Variants in CENPP observed in about 807,000 individuals in gnomAD.
The protein encoded by CENPP is centromere protein P.
Under a neutral mutation model 35.6 loss-of-function variants are expected in CENPP, and 24 were observed. The ratio of observed to expected loss-of-function variants is 0.67; its 90% CI spans 0.49 to 0.95. The LOEUF is 0.95. Ranked by LOEUF, CENPP falls within the 40% of genes least tolerant of loss-of-function variation. The pLI is 0.00. For missense variants in CENPP, 332 were observed against 345.3 expected, an observed-to-expected ratio of 0.96 and a Z score of 0.31; for synonymous variants, 120 against 125.5, an observed-to-expected ratio of 0.96 and a Z score of 0.29.
intron 5 of CENPP, among the ~76,000 whole-genome samples, chr9:92,449,524 A>C (rs1432704907): frequency 6.6e-6 from 1 of 151,390 alleles, no homozygotes; most frequent in African/African-American, 2.4e-5. Flanking sequence ...TGTGAGGATT[A>C]AAAGTAAGGC....
chr9:92,588,289 C>T (rs1850587468), intron 5 of CENPP, among the ~76,000 whole-genome samples: 1 of 151,024 alleles, frequency 6.6e-6, no homozygotes, highest in Admixed American at 6.6e-5. Context: ...CGCTCTGTCG[C>T]CCAGGCTGGA....
intron 5 of CENPP, among the ~76,000 whole-genome samples, chr9:92,491,262 A>G (rs1477233819): frequency 1.3e-5 from 2 of 152,154 alleles, no homozygotes; most frequent in Non-Finnish European, 2.9e-5. Flanking sequence ...GACCTACCTA[A>G]TAATACCAGA....
intron 5 of CENPP, among the ~76,000 whole-genome samples, chr9:92,518,033 A>G (rs1847832762): frequency 6.6e-6 from 1 of 152,224 alleles, no homozygotes; most frequent in Admixed American, 6.5e-5. Context: ...TAGACATAAG[A>G]AATGCTGAAA....
chr9:92,551,202 G>A (rs1484915997), intron 5 of CENPP, among the ~76,000 whole-genome samples: 2 of 152,170 alleles, frequency 1.3e-5, no homozygotes, highest in African/African-American at 4.8e-5. Context: ...GGGATTGGAA[G>A]CCAGGAATTA....
upstream of CENPP, chr9:92,325,788 T>C (rs971287240): frequency 6.0e-5 from 32 of 534,418 alleles, no homozygotes; most frequent in Non-Finnish European, 8.6e-5. Context: ...CAGGGAAACG[T>C]GTGCGGGGAA....
intron 5 of CENPP, among the ~76,000 whole-genome samples, chr9:92,533,185 A>T (rs2131289102): frequency 6.7e-6 from 1 of 149,784 alleles, no homozygotes; most frequent in South Asian, 2.1e-4. Context: ...GTGTAGTCCC[A>T]GATACTCAGG....
intron 1 of CENPP, among the ~76,000 whole-genome samples, chr9:92,330,694 T>TG (rs1840716551): frequency 2.1e-5 from 3 of 145,324 alleles, no homozygotes; most frequent in Admixed American, 2.0e-4. Flanking sequence ...CTTTGTTTTT[T>TG]TTTTTTTTTG....
At chr9:92,448,249 G>C (rs1844602587) in intron 5 of CENPP, among the ~76,000 whole-genome samples, 1 of 151,824 alleles carries the variant, frequency 6.6e-6, no homozygotes, top group African/African-American at 2.4e-5. Flanking sequence ...ATCATCTTGT[G>C]GGTTAGGGGT....
chr9:92,605,694 CTTAGAA>C (rs1306701179), intron 5 of CENPP, among the ~76,000 whole-genome samples: 1 of 152,052 alleles, frequency 6.6e-6, no homozygotes, highest in East Asian at 1.9e-4. Context: ...CTGTAAAACT[CTTAGAA>C]TTAAACATAA....
At chr9:92,461,255 TTTG>T (rs1845098388) in intron 5 of CENPP, among the ~76,000 whole-genome samples, 1 of 150,850 alleles carries the variant, frequency 6.6e-6, no homozygotes, top group African/African-American at 2.4e-5. Flanking sequence ...CATCTTGTTT[TTTG>T]TTTTTTGTTT....
intron 4 of CENPP, among the ~76,000 whole-genome samples, chr9:92,373,602 C>T (rs7875329): frequency 0.03 from 4,637 of 152,078 alleles, 252 homozygotes; most frequent in African/African-American, 0.11. Context: ...CCGAGGTGGG[C>T]GGATCATGAG....
At chr9:92,406,740 C>T (rs1467027406) in intron 5 of CENPP, among the ~76,000 whole-genome samples, 8 of 152,066 alleles carry the variant, frequency 5.3e-5, no homozygotes, top group African/African-American at 9.7e-5. Flanking sequence ...AAACTGTGGA[C>T]GTAAGTTTCT....
At chr9:92,491,602 C>A (rs1846173848) in intron 5 of CENPP, among the ~76,000 whole-genome samples, 1 of 152,052 alleles carries the variant, frequency 6.6e-6, no homozygotes, top group African/African-American at 2.4e-5. Flanking sequence ...ATGGTGACAC[C>A]CCAAGTTCAG....
intron 5 of CENPP, among the ~76,000 whole-genome samples, chr9:92,463,030 G>A (rs944067457): frequency 1.3e-5 from 2 of 152,188 alleles, no homozygotes; most frequent in African/African-American, 2.4e-5. Context: ...TTGAAGTGTA[G>A]CCTCTAGGAT....
In CENPP at chr9:92,345,627, A is replaced by G. The variant is rs1841271172; in HGVS notation, c.379-72A>G. 5.0e-6 allele frequency: 4 copies of G among 800,274 alleles called. No homozygotes were observed. In the Middle Eastern group the frequency reaches 9.6e-4, roughly 191 times the overall value. The allele number at this position is 800,274 out of a possible 1,614,324, so 49.6% of individuals were successfully genotyped here. On this transcript the variant is annotated intron_variant, in intron 3 of 7. Coordinates refer to ENST00000375587, the MANE Select transcript of CENPP (RefSeq NM_001012267.3). Reference sequence around the variant, plus strand: ...TTTATTTGGTGGCATTTCATTTTGCATATTTCAAAAGTATTTTTGTCTTTT... The same window carrying G: ...TTTATTTGGTGGCATTTCATTTTGCGTATTTCAAAAGTATTTTTGTCTTTT...
At chr9:92,571,998 G>A (rs925333926) in intron 5 of CENPP, among the ~76,000 whole-genome samples, 1 of 151,142 alleles carries the variant, frequency 6.6e-6, no homozygotes, top group Admixed American at 6.6e-5. Flanking sequence ...ACATGAGATG[G>A]GTCTCCTGAA....
intron 5 of CENPP, among the ~76,000 whole-genome samples, chr9:92,524,599 C>T (rs913654241): frequency 6.6e-6 from 1 of 152,148 alleles, no homozygotes; most frequent in African/African-American, 2.4e-5. Flanking sequence ...CACCTATACC[C>T]CTTGCAGCTT....
At chr9:92,510,103 G>A (rs1411530025) in intron 5 of CENPP, 17 of 1,507,982 alleles carry the variant, frequency 1.1e-5, no homozygotes, top group Non-Finnish European at 1.5e-5. Flanking sequence ...TCATATAATG[G>A]TCGTGACTAA....
chr9:92,582,082 C>A (rs1321611093), intron 5 of CENPP, among the ~76,000 whole-genome samples: 1 of 150,256 alleles, frequency 6.7e-6, no homozygotes, highest in Non-Finnish European at 1.5e-5. Flanking sequence ...GAGACAGGAT[C>A]TCCCTTTGTC....
Sources: allele counts gnomAD v4.1 joint callset (sites outside exome capture counted in the v4.1 genomes callset), GRCh38; gene constraint gnomAD v4.1.1; transcripts MANE v1.5; gene names NCBI Gene and HGNC (gene_info 2026-07-23, HGNC 2026-07-21).